RBMS3: variants seen among roughly 807,000 people sequenced by gnomAD.
RBMS3 encodes RNA binding motif single stranded interacting protein 3, also known as RNA-binding motif, single-stranded-interacting protein 3.
In RBMS3, 27 loss-of-function variants were observed where a neutral mutation model predicts 66.8. The observed-to-expected ratio is 0.40, with a 90% confidence interval of 0.30 to 0.56. The LOEUF (loss-of-function observed/expected upper bound fraction) is 0.56. RBMS3 is among the 20% of genes least tolerant of loss of function. The pLI, the probability that RBMS3 is intolerant of heterozygous loss-of-function variation, is 0.40. For missense variants in RBMS3, 513 were observed against 549.5 expected (o/e 0.93, Z 0.66); for synonymous variants, 188 against 183.0 (o/e 1.03, Z -0.22).
intron 1 of RBMS3, among the ~76,000 whole-genome samples, chr3:29,334,719 G>T (rs535952809): frequency 6.6e-6 from 1 of 152,078 alleles, no homozygotes; most frequent in Admixed American, 6.6e-5. Context: ...CCTGCATTGC[G>T]CTTTAAAGAA....
intron 6 of RBMS3, among the ~76,000 whole-genome samples, chr3:29,815,287 G>T (rs9813370): frequency 6.6e-6 from 1 of 152,178 alleles, no homozygotes; most frequent in South Asian, 2.1e-4. Flanking sequence ...CAAAACCTTA[G>T]ATATCACCCA....
At chr3:29,836,122 T>TA (rs1308870102) in intron 6 of RBMS3, among the ~76,000 whole-genome samples, 2 of 151,996 alleles carry the variant, frequency 1.3e-5, no homozygotes, top group African/African-American at 4.8e-5. Flanking sequence ...ATCATTAATG[T>TA]AAAATCTCTC....
intron 2 of RBMS3, among the ~76,000 whole-genome samples, chr3:29,481,891 A>C (rs997740738): frequency 6.6e-6 from 1 of 152,196 alleles, no homozygotes; most frequent in Non-Finnish European, 1.5e-5. Context: ...CAATTTTAAC[A>C]TGTCACACAT....
rs141366512 is a variant in RBMS3 at position 29,488,339 on chromosome 3, T to G, written c.249-102T>G. 6.5e-5 allele frequency: 58 copies of G among 890,726 alleles called. No individual in the cohort carries two copies. In the African/African-American group the frequency reaches 9.0e-4, roughly 14 times the overall value. 55.2% of individuals were successfully genotyped at this position (890,726 alleles called of 1,614,324 possible). A position where few individuals can be genotyped will look rare whatever the true frequency, so the allele number is the denominator to read the frequency against. ...GGAATCCAGAGCTTGTTTTCTTGGT[T>G]TATGCATGCTCAGTTGTGTGTGCCC... On this transcript the variant is annotated intron_variant, in intron 2 of 14. Coordinates refer to ENST00000383767, the MANE Select transcript of RBMS3 (RefSeq NM_001003793.3).
intron 2 of RBMS3, among the ~76,000 whole-genome samples, chr3:29,453,474 A>T (rs2042078693): frequency 6.6e-6 from 1 of 152,192 alleles, no homozygotes; most frequent in Admixed American, 6.6e-5. Context: ...TATTGCAGCG[A>T]ATCCGAGCAG....
chr3:29,622,941 C>A (rs887911360), intron 4 of RBMS3, among the ~76,000 whole-genome samples: 7 of 151,824 alleles, frequency 4.6e-5, no homozygotes, highest in Non-Finnish European at 7.4e-5. Context: ...ACGGTGAAAC[C>A]CCGTCTCTAC....
At chr3:29,678,868 T>C (rs910006994) in intron 4 of RBMS3, among the ~76,000 whole-genome samples, 3 of 152,086 alleles carry the variant, frequency 2.0e-5, no homozygotes, top group Non-Finnish European at 4.4e-5. Flanking sequence ...CAACCCTCAG[T>C]AGGAGCTACT....
intron 4 of RBMS3, among the ~76,000 whole-genome samples, chr3:29,610,963 T>C (rs958207254): frequency 3.9e-5 from 6 of 152,054 alleles, no homozygotes; most frequent in African/African-American, 1.2e-4. Context: ...ATACAGTTAA[T>C]GGGATTTGTC....
chr3:29,285,919 A>G (rs959670611), intron 1 of RBMS3, among the ~76,000 whole-genome samples: 1 of 152,170 alleles, frequency 6.6e-6, no homozygotes, highest in Non-Finnish European at 1.5e-5. Context: ...CTCCTTACAC[A>G]TGAAAATGTA....
At chr3:29,733,372 T>A (rs1311970772) in intron 4 of RBMS3, among the ~76,000 whole-genome samples, 3 of 151,898 alleles carry the variant, frequency 2.0e-5, no homozygotes, top group Non-Finnish European at 4.4e-5. Flanking sequence ...ATTTCCTTTT[T>A]TTTTTGGATA....
chr3:29,523,385 CT>C (rs147035364), intron 3 of RBMS3, among the ~76,000 whole-genome samples: 8 of 151,338 alleles, frequency 5.3e-5, no homozygotes, highest in South Asian at 2.1e-4. Context: ...CCAAACTGTT[CT>C]TTTTTTTTGT....
intron 5 of RBMS3, among the ~76,000 whole-genome samples, chr3:29,746,745 A>T (rs2054913409): frequency 6.6e-6 from 1 of 152,190 alleles, no homozygotes; most frequent in Admixed American, 6.6e-5. Context: ...AAACAAATAA[A>T]TTGCATCAAA....
chr3:29,550,563 C>T (rs1362894015), intron 3 of RBMS3, among the ~76,000 whole-genome samples: 1 of 151,798 alleles, frequency 6.6e-6, no homozygotes, highest in African/African-American at 2.4e-5. Flanking sequence ...TATAATGTAA[C>T]ATAAGACTAT....
intron 1 of RBMS3, among the ~76,000 whole-genome samples, chr3:29,349,280 A>G (rs1035195777): frequency 3.9e-5 from 6 of 152,226 alleles, no homozygotes; most frequent in African/African-American, 1.4e-4. Flanking sequence ...AAAAAGCTAC[A>G]GTCGTACTCT....
At chr3:29,473,780 C>T (rs1240177396) in intron 2 of RBMS3, among the ~76,000 whole-genome samples, 5 of 152,330 alleles carry the variant, frequency 3.3e-5, no homozygotes, top group Middle Eastern at 3.4e-3. Context: ...CCGGCAGGGC[C>T]GGCCAGCCCC....
At chr3:29,817,082 C>A (rs1347027833) in intron 6 of RBMS3, among the ~76,000 whole-genome samples, 1 of 151,972 alleles carries the variant, frequency 6.6e-6, no homozygotes, top group Non-Finnish European at 1.5e-5. Flanking sequence ...CAGAAGGAGA[C>A]TCCGTCTCAA....
At chr3:29,818,255 A>T (rs935564519) in intron 6 of RBMS3, among the ~76,000 whole-genome samples, 2 of 152,056 alleles carry the variant, frequency 1.3e-5, no homozygotes, top group African/African-American at 4.8e-5. Flanking sequence ...TCTTCTACTG[A>T]CAGTATACCG....
chr3:29,777,750 G>A (rs1056235351), intron 6 of RBMS3, among the ~76,000 whole-genome samples: 2 of 151,758 alleles, frequency 1.3e-5, no homozygotes, highest in Admixed American at 6.6e-5. Flanking sequence ...AAATAAATGC[G>A]TTGGAATACC....
chr3:29,836,734 T>C (rs768885642), intron 6 of RBMS3, among the ~76,000 whole-genome samples: 16 of 151,308 alleles, frequency 1.1e-4, no homozygotes, highest in Non-Finnish European at 2.1e-4. Flanking sequence ...AATGTAACTA[T>C]GTGAGAGATA....
Sources: allele counts gnomAD v4.1 joint callset (sites outside exome capture counted in the v4.1 genomes callset), GRCh38; gene constraint gnomAD v4.1.1; transcripts MANE v1.5; gene names NCBI Gene and HGNC (gene_info 2026-07-23, HGNC 2026-07-21).